AUTS2: variants seen among roughly 807,000 people sequenced by gnomAD.
AUTS2 encodes activator of transcription and developmental regulator AUTS2.
AUTS2 carries 17 observed loss-of-function variants against 112.4 expected under a neutral mutation model. The ratio of observed to expected loss-of-function variants is 0.15; its 90% CI spans 0.10 to 0.23. AUTS2 has a LOEUF of 0.23. Ranked by LOEUF, AUTS2 falls within the 10% of genes least tolerant of loss-of-function variation. AUTS2 has a pLI of 1.00. For synonymous variants in AUTS2, 751 were observed against 702.7 expected (o/e 1.07, Z -1.09); for missense variants, 1,510 against 1,701.6 (o/e 0.89, Z 1.98).
At position 70,637,406 on chromosome 7, in the gene AUTS2, G is replaced by A. The variant is rs1324641619; in HGVS notation, c.691-61163G>A. ...TCTCAGAACAGATGCTGCAAATCCAGAGTTACATAAATTCAAAGTAAGGGA... is the reference window on the plus strand; with the variant it reads ...TCTCAGAACAGATGCTGCAAATCCAAAGTTACATAAATTCAAAGTAAGGGA... On this transcript the variant is annotated intron_variant, in intron 5 of 18. Coordinates refer to ENST00000342771, the MANE Select transcript of AUTS2 (RefSeq NM_015570.4). Among the ~76,000 whole-genome samples the A allele has an allele frequency of 1.6e-4, 24 of 152,162 alleles. 1 individual carries two copies. The highest frequency in any genetic ancestry group is 1.6e-3 in the Admixed American group (24 of 15,288).
At chr7:70,353,263 C>T (rs1191700796) in intron 4 of AUTS2, among the ~76,000 whole-genome samples, 1 of 152,072 alleles carries the variant, frequency 6.6e-6, no homozygotes, top group Non-Finnish European at 1.5e-5. Context: ...ATGTCAAATT[C>T]CTTATATTTG....
chr7:69,615,270 C>T (rs993375343), intron 1 of AUTS2, among the ~76,000 whole-genome samples: 3 of 152,032 alleles, frequency 2.0e-5, no homozygotes, highest in Non-Finnish European at 4.4e-5. Context: ...GTAGTGGGTG[C>T]CATCTATTTT....
rs1439750498 is a variant in AUTS2, at chr7:70,096,730, CTG to C, written c.523-21398_523-21397del. On this transcript the variant is annotated intron_variant, in intron 2 of 18. Transcript: ENST00000342771. ...AGAGAATAAAATTTATTGAAGCCAACTGTGTTGTCTTAAACCTCCGAAAATTC... is the reference window on the plus strand; with the variant it reads ...AGAGAATAAAATTTATTGAAGCCAACTGTTGTCTTAAACCTCCGAAAATTC... Among the ~76,000 whole-genome samples, 4 of 132,510 alleles carry C rather than the reference CTG, an allele frequency of 3.0e-5. No individual in the cohort carries two copies. The East Asian group carries it at 8.9e-4, about 29-fold the overall frequency. The allele number at this position is 132,510 out of a possible 152,430, so 86.9% of individuals were successfully genotyped here.
At chr7:70,449,931 G>A (rs1035146635) in intron 5 of AUTS2, among the ~76,000 whole-genome samples, 3 of 152,124 alleles carry the variant, frequency 2.0e-5, no homozygotes, top group Non-Finnish European at 4.4e-5. Flanking sequence ...GCCACCTTGA[G>A]AGACACAAAG....
chr7:70,094,488 G>A (rs986090325), intron 2 of AUTS2, among the ~76,000 whole-genome samples: 8 of 152,186 alleles, frequency 5.3e-5, no homozygotes, highest in Admixed American at 1.3e-4. Context: ...GTTAAAAACC[G>A]GTCTGTGTCT....
chr7:70,191,410 A>T (rs886655284), intron 4 of AUTS2, among the ~76,000 whole-genome samples: 1 of 151,940 alleles, frequency 6.6e-6, no homozygotes, highest in African/African-American at 2.4e-5. Flanking sequence ...TGACCTCATG[A>T]TCCTCCCACC....
At chr7:70,351,257 T>C (rs1791745860) in intron 4 of AUTS2, among the ~76,000 whole-genome samples, 1 of 152,168 alleles carries the variant, frequency 6.6e-6, no homozygotes, top group African/African-American at 2.4e-5. Context: ...TTTCACCATG[T>C]AGGCCAGGCT....
chr7:70,279,858 T>C (rs1192779626), intron 4 of AUTS2, among the ~76,000 whole-genome samples: 2 of 152,194 alleles, frequency 1.3e-5, no homozygotes, highest in Non-Finnish European at 2.9e-5. Context: ...CCCCCTTCCA[T>C]TGTAAAATTA....
At chr7:70,129,904 T>A (rs1353881530) in intron 3 of AUTS2, among the ~76,000 whole-genome samples, 4 of 91,682 alleles carry the variant, frequency 4.4e-5, no homozygotes, top group African/African-American at 1.5e-4. Flanking sequence ...ATATATATTG[T>A]GTGTGTGTGT....
intron 2 of AUTS2, among the ~76,000 whole-genome samples, chr7:70,089,582 A>G (rs561674064): frequency 6.6e-6 from 1 of 151,806 alleles, no homozygotes; most frequent in South Asian, 2.1e-4. Context: ...TTGCCTTTTT[A>G]ATTGTGGATA....
At chr7:70,549,167 A>G (rs943107237) in intron 5 of AUTS2, among the ~76,000 whole-genome samples, 6 of 152,110 alleles carry the variant, frequency 3.9e-5, no homozygotes, top group African/African-American at 7.2e-5. Flanking sequence ...TCTTTTTCCA[A>G]TTGTTTATTG....
intron 4 of AUTS2, among the ~76,000 whole-genome samples, chr7:70,247,787 T>C (rs1813002713): frequency 6.6e-6 from 1 of 152,184 alleles, no homozygotes; most frequent in South Asian, 2.1e-4. Flanking sequence ...TAATGTCAAA[T>C]AGAATAATAA....
At chr7:70,539,826 C>T (rs924643607) in intron 5 of AUTS2, among the ~76,000 whole-genome samples, 4 of 152,128 alleles carry the variant, frequency 2.6e-5, no homozygotes, top group Admixed American at 6.5e-5. Flanking sequence ...GAAGAAAGCA[C>T]CCCACCAAAA....
chr7:70,181,964 A>AT (rs773687920), intron 4 of AUTS2, among the ~76,000 whole-genome samples: 24 of 150,090 alleles, frequency 1.6e-4, no homozygotes, highest in Non-Finnish European at 3.1e-4. Flanking sequence ...CGCCTGGCTA[A>AT]TTTTTTTGTA....
intron 2 of AUTS2, among the ~76,000 whole-genome samples, chr7:70,083,937 A>G (rs1803452261): frequency 6.6e-6 from 1 of 152,066 alleles, no homozygotes; most frequent in Non-Finnish European, 1.5e-5. Context: ...ATAGAGCGAG[A>G]TTCCATCTCA....
intron 1 of AUTS2, among the ~76,000 whole-genome samples, chr7:69,869,896 C>T (rs1323102262): frequency 1.3e-5 from 2 of 152,098 alleles, no homozygotes; most frequent in African/African-American, 4.8e-5. Flanking sequence ...TTCAGAGACT[C>T]ATAGTTTGAT....
chr7:70,021,044 G>A (rs572656307), intron 2 of AUTS2, among the ~76,000 whole-genome samples: 34 of 151,720 alleles, frequency 2.2e-4, no homozygotes, highest in Non-Finnish European at 3.5e-4. Context: ...GTGCAATGGC[G>A]TGATCTCAGC....
intron 1 of AUTS2, among the ~76,000 whole-genome samples, chr7:69,894,252 GTTTTTTTTTTTT>G (rs370966756): frequency 3.8e-4 from 14 of 36,746 alleles, no homozygotes; most frequent in African/African-American, 1.1e-3. Flanking sequence ...GCCTTAAAGC[GTTTTTTTTTTTT>G]TTTTTTTTTT....
At chr7:70,296,609 A>G (rs555358265) in intron 4 of AUTS2, among the ~76,000 whole-genome samples, 1 of 152,338 alleles carries the variant, frequency 6.6e-6, no homozygotes, top group South Asian at 2.1e-4. Flanking sequence ...ATGTTATTTC[A>G]AAGTAAAAAC....
Sources: gnomAD v4.1 joint callset for allele counts (sites outside exome capture counted in the v4.1 genomes callset) on GRCh38, gnomAD v4.1.1 for gene constraint, MANE v1.5 for transcripts, NCBI Gene and HGNC (gene_info 2026-07-23, HGNC 2026-07-21) for gene names.